The following WNT8A variants were observed in gnomAD, a reference collection of about 807,000 sequenced individuals.
WNT8A encodes the protein Wnt family member 8A, also known as protein Wnt-8a.
A neutral mutation model predicts 20.5 loss-of-function variants in WNT8A; 14 were observed. The ratio of observed to expected loss-of-function variants is 0.68; its 90% CI spans 0.45 to 1.07. The LOEUF is 1.07. Ranked by LOEUF, WNT8A falls within the 50% of genes least tolerant of loss-of-function variation. The pLI is 0.00. For missense variants in WNT8A, 397 were observed against 462.9 expected (o/e 0.86, Z 1.31); for synonymous variants, 167 against 169.2 (o/e 0.99, Z 0.10).
At chr5:138,082,092 A>C (rs1750523334), upstream of WNT8A, among the ~76,000 whole-genome samples, 1 of 152,126 alleles carries the variant, frequency 6.6e-6, no homozygotes, top group Non-Finnish European at 1.5e-5. Flanking sequence ...GTGACTTTCC[A>C]TCTATGCTTT....
chr5:138,088,681 T>A (rs1434123021), intron 3 of WNT8A, among the ~76,000 whole-genome samples: 6 of 152,090 alleles, frequency 3.9e-5, no homozygotes, highest in Non-Finnish European at 7.4e-5. Context: ...TTTGAGAGCA[T>A]CTGTTAGCCC....
upstream of WNT8A, chr5:138,083,899 C>G (rs1005625886): frequency 3.9e-6 from 2 of 519,258 alleles, no homozygotes; most frequent in Non-Finnish European, 6.6e-6. Flanking sequence ...CTGAGTCCCT[C>G]CTCCCAGATC....
At position 138,091,186 on chromosome 5, in the gene WNT8A, G is replaced by C. The variant is rs1750843617; in HGVS notation, c.*113G>C. Reference sequence around the variant, plus strand: ...CGGAAAATTGCAGTTTTGGTCTGTAGTCCTCATGATATCTGCTATCAGTGG... The same window carrying C: ...CGGAAAATTGCAGTTTTGGTCTGTACTCCTCATGATATCTGCTATCAGTGG... On this transcript the variant is annotated 3_prime_UTR_variant, in exon 5 of 5. Coordinates refer to ENST00000506684, the MANE Select transcript of WNT8A (RefSeq NM_001300939.2). 1 of 1,541,280 alleles carries C rather than the reference G, an allele frequency of 6.5e-7. No individual in the cohort carries two copies.
At chr5:138,081,280 C>A (rs2151142631), upstream of WNT8A, among the ~76,000 whole-genome samples, 1 of 151,194 alleles carries the variant, frequency 6.6e-6, no homozygotes, top group South Asian at 2.1e-4. Context: ...TGAGCAGGAG[C>A]GAGCACAGTT....
chr5:138,087,905 G>C lies in WNT8A; in HGVS notation c.395G>C (p.Cys132Ser). 5.6e-6 allele frequency: 9 copies of C among 1,613,990 alleles called. No homozygotes were observed. The highest frequency in any genetic ancestry group is 7.6e-6 in the Non-Finnish European group (9 of 1,179,910). ...ATGGGTGACTTCGAAAACTGTGGCT[G>C]TGATGGGTCAAACAATGGAAAAACA... ...CSMGDFENCGCDGSNNGKTGG... is the reference protein window; with the variant it reads ...CSMGDFENCGSDGSNNGKTGG... The change falls in exon 3 of 5, where the codon TGT (cysteine) becomes TCT (serine). Residue 132 changes from cysteine (C) to serine (S), a missense_variant. Cys to Ser is a moderately radical substitution (Grantham distance 112). Transcript: ENST00000506684.
In WNT8A at chr5:138,091,476, A is replaced by AT. The variant is rs765042197; in HGVS notation, c.*403_*404insT. 2.0e-5 allele frequency: 27 copies of AT among 1,352,672 alleles called. No homozygotes were observed. The African/African-American group carries it at 3.8e-4, about 19-fold the overall frequency. The allele number at this position is 1,352,672 out of a possible 1,614,324, so 83.8% of individuals were successfully genotyped here. A position where few individuals can be genotyped will look rare whatever the true frequency, so the allele number is the denominator to read the frequency against. On this transcript the variant is annotated 3_prime_UTR_variant, in exon 5 of 5. Coordinates refer to ENST00000506684, the MANE Select transcript of WNT8A (RefSeq NM_001300939.2). ...GGAATCAGGAGAATAGAAGCAAAAA[A>AT]CGAAAGAGTTCTGTTCAGACTTCTG...
intron 4 of WNT8A, 92 bp from the exon 5 acceptor site, chr5:138,090,436 T>C: frequency 8.3e-7 from 1 of 1,201,750 alleles, no homozygotes; most frequent in Non-Finnish European, 1.2e-6. Context: ...TCCTTTAAAG[T>C]CAAGAAACAC....
At chr5:138,086,505 C>G (rs1241151654) in intron 2 of WNT8A, among the ~76,000 whole-genome samples, 1 of 151,982 alleles carries the variant, frequency 6.6e-6, no homozygotes, top group Non-Finnish European at 1.5e-5. Flanking sequence ...TTGGCCTCAT[C>G]ATTCTATCTC....
upstream of WNT8A, among the ~76,000 whole-genome samples, chr5:138,081,791 C>G (rs1476111613): frequency 1.3e-5 from 2 of 152,084 alleles, no homozygotes; most frequent in Non-Finnish European, 2.9e-5. Flanking sequence ...AATAAGAGCC[C>G]AAATTTCCTC....
chr5:138,090,371 A>C (rs1375905842), intron 4 of WNT8A, among the ~76,000 whole-genome samples, 157 bp from the exon 5 acceptor site: 1 of 152,318 alleles, frequency 6.6e-6, no homozygotes, highest in East Asian at 1.9e-4. Context: ...AGAAGATCTG[A>C]GGTAGGGTCG....
At chr5:138,091,694 C>T (rs1750860226), downstream of WNT8A, among the ~76,000 whole-genome samples, 1 of 99,264 alleles carries the variant, frequency 1.0e-5, no homozygotes, top group South Asian at 3.6e-4. Flanking sequence ...GGTGTGGTGG[C>T]ACTTGCCTGT....
Position 138,088,776 on chromosome 5 carries a change from C to T in WNT8A, c.422-151C>T, listed in dbSNP as rs953452022. ...CTGAAGGGTGGGCAGTTGGCTTTGG[C>T]AACAGGACTCCCACCCACCCCAAGC... On this transcript the variant is annotated intron_variant, in intron 3 of 4. Coordinates refer to ENST00000506684, the MANE Select transcript of WNT8A (RefSeq NM_001300939.2). 5 of 1,015,628 alleles carry T rather than the reference C, an allele frequency of 4.9e-6. No individual in the cohort carries two copies. The Admixed American group carries it at 1.4e-4, about 29-fold the overall frequency. The allele number at this position is 1,015,628 out of a possible 1,614,324, so 62.9% of individuals were successfully genotyped here. A position where few individuals can be genotyped will look rare whatever the true frequency, so the allele number is the denominator to read the frequency against.
upstream of WNT8A, among the ~76,000 whole-genome samples, chr5:138,080,713 C>G (rs890121543): frequency 1.3e-5 from 2 of 151,928 alleles, no homozygotes; most frequent in South Asian, 2.1e-4. Flanking sequence ...CGATCCTCCC[C>G]ACTCAGCCTC....
Position 138,091,003 on chromosome 5 carries a change from A to G in WNT8A, c.1040A>G (p.His347Arg). ...CCTVKCDQCRHVVSKYYCARS... is the reference protein window; with the variant it reads ...CCTVKCDQCRRVVSKYYCARS... ...ACGGTCAAGTGTGACCAGTGTAGGC[A>G]TGTGGTGAGCAAGTATTACTGCGCA... The change falls in exon 5 of 5, where the codon CAT (histidine) becomes CGT (arginine). Residue 347 changes from histidine (H) to arginine (R), a missense_variant. Transcript: ENST00000506684. 1 of 1,614,182 alleles carries G rather than the reference A, an allele frequency of 6.2e-7. No individual in the cohort carries two copies. The highest frequency in any genetic ancestry group is 8.5e-7 in the Non-Finnish European group (1 of 1,180,034).
In WNT8A at chr5:138,084,637, G is replaced by A; in HGVS notation, c.295+1G>A. The A allele has an allele frequency of 1.9e-6, 3 of 1,604,586 alleles. No homozygotes were observed. Among genetic ancestry groups the A allele is most frequent in the Non-Finnish European group, 2.6e-6 (3 of 1,174,860 alleles). On this transcript the variant is annotated splice_donor_variant, in intron 2 of 4. Transcript: ENST00000506684. LOFTEE classifies it high-confidence loss of function. ...TCCACCCACAACAGGCTGAGAAGTG[G>A]TAAGTTTGTGTGGGACTCACCTGTA...
At chr5:138,080,444 GTTT>G (rs371833243), upstream of WNT8A, among the ~76,000 whole-genome samples, 7 of 55,972 alleles carry the variant, frequency 1.3e-4, no homozygotes, top group Admixed American at 2.5e-4. Context: ...TGTAAATCTT[GTTT>G]TTTTTTTTTT....
At chr5:138,083,908 T>A (rs1581354799), upstream of WNT8A, 5 of 543,968 alleles carry the variant, frequency 9.2e-6, no homozygotes, top group Non-Finnish European at 1.6e-5. Flanking sequence ...TCCTCCCAGA[T>A]CCCCCACTGG....
chr5:138,084,488 C>T lies in WNT8A; in HGVS notation c.157-10C>T. Reference sequence around the variant, plus strand: ...CGGGCAGAAGCTCACAGCCCTTTTCCCTTTGCCAGGCCTATCTGACCTACA... The same window carrying T: ...CGGGCAGAAGCTCACAGCCCTTTTCTCTTTGCCAGGCCTATCTGACCTACA... On this transcript the variant is annotated splice_polypyrimidine_tract_variant and intron_variant, in intron 1 of 4. Transcript: ENST00000506684. The T allele has an allele frequency of 1.3e-6, 2 of 1,593,620 alleles. No homozygotes were observed. Among genetic ancestry groups the T allele is most frequent in the Non-Finnish European group, 1.7e-6 (2 of 1,168,988 alleles).
rs375165734 is a variant in WNT8A at position 138,088,877 on chromosome 5, G to A, written c.422-50G>A. 5.0e-6 allele frequency: 8 copies of A among 1,596,308 alleles called. No homozygotes were observed. The African/African-American group carries it at 6.7e-5, about 13-fold the overall frequency. ...CTTGGGGGTGGTTTGGCGGGTGACT[G>A]GGACTGAGCATGGAGCTACACGGAG... is the stretch of plus-strand genomic sequence containing the variant. On this transcript the variant is annotated intron_variant, in intron 3 of 4. Coordinates refer to ENST00000506684, the MANE Select transcript of WNT8A (RefSeq NM_001300939.2).
Sources: gnomAD v4.1 joint callset for allele counts (sites outside exome capture counted in the v4.1 genomes callset) on GRCh38, gnomAD v4.1.1 for gene constraint, MANE v1.5 for transcripts, NCBI Gene and HGNC (gene_info 2026-07-23, HGNC 2026-07-21) for gene names.